HSF2: variants seen among roughly 807,000 people sequenced by gnomAD.
HSF2 encodes heat shock factor protein 2.
In HSF2, 21 loss-of-function variants were observed where a neutral mutation model predicts 65.0. That is an observed-to-expected ratio of 0.32 (90% CI 0.23 to 0.47). The LOEUF is 0.47. HSF2 is among the 20% of genes least tolerant of loss of function. The probability of loss-of-function intolerance (pLI) is 1.00; values close to 1 mark genes in which losing one functional copy is unlikely to be tolerated. For missense variants in HSF2, 499 were observed against 628.1 expected (o/e 0.79, Z 2.20); for synonymous variants, 225 against 219.1 (o/e 1.03, Z -0.24).
At chr6:122,415,578 A>G (rs1008023381) in intron 4 of HSF2, among the ~76,000 whole-genome samples, 1 of 152,164 alleles carries the variant, frequency 6.6e-6, no homozygotes, top group Non-Finnish European at 1.5e-5. Context: ...CAGTTGAAAG[A>G]TTAGCTTATT....
intron 10 of HSF2, among the ~76,000 whole-genome samples, chr6:122,426,004 A>G (rs1373418662): frequency 6.6e-6 from 1 of 152,014 alleles, no homozygotes; most frequent in Non-Finnish European, 1.5e-5. Context: ...TTTACTTAGG[A>G]GGATAGTTAT....
intron 1 of HSF2, among the ~76,000 whole-genome samples, chr6:122,403,193 AAAT>A (rs1360735015): frequency 1.3e-5 from 2 of 152,182 alleles, no homozygotes; most frequent in Admixed American, 1.3e-4. Flanking sequence ...TTGAAAAGGG[AAAT>A]AATACCTCTC....
At chr6:122,400,855 G>C (rs978690795) in intron 1 of HSF2, among the ~76,000 whole-genome samples, 16 of 152,224 alleles carry the variant, frequency 1.1e-4, no homozygotes, top group Middle Eastern at 3.2e-3. Context: ...TGTAGTTCTT[G>C]AGAAGAATAA....
rs199725766 is a variant in HSF2, at chr6:122,413,595, A to G, written c.401A>G (p.Gln134Arg). ...EDLTKIISSA[Q>R]KVQIKQETIE... ...TTAACAAAAATTATAAGTAGTGCTC[A>G]GAAGGTTCAGATAAAACAGGAAACT... is the stretch of plus-strand genomic sequence containing the variant. Residue 134 changes from glutamine to arginine, a missense_variant, in exon 4 of 13, where the codon CAG becomes CGG. Gln to Arg is a conservative substitution (Grantham distance 43, BLOSUM62 1). Coordinates refer to ENST00000368455, the MANE Select transcript of HSF2 (RefSeq NM_004506.4). 2 of 1,602,648 alleles carry G rather than the reference A, an allele frequency of 1.2e-6. No homozygotes were observed. The highest frequency in any genetic ancestry group is 1.7e-6 in the Non-Finnish European group (2 of 1,170,058).
intron 10 of HSF2, among the ~76,000 whole-genome samples, chr6:122,424,283 T>C (rs1774296670): frequency 1.3e-5 from 2 of 152,102 alleles, no homozygotes. Context: ...TTGTTCCTGC[T>C]ATTCCTCCCT....
At chr6:122,402,699 C>T (rs1049425026) in intron 1 of HSF2, among the ~76,000 whole-genome samples, 2 of 151,942 alleles carry the variant, frequency 1.3e-5, no homozygotes, top group African/African-American at 4.8e-5. Context: ...ATTACAGATG[C>T]GCACCACCAT....
At chr6:122,403,792 G>T (rs534995635) in intron 1 of HSF2, among the ~76,000 whole-genome samples, 1 of 152,070 alleles carries the variant, frequency 6.6e-6, no homozygotes, top group Non-Finnish European at 1.5e-5. Context: ...TACAGAGATT[G>T]TACTGTCAGA....
chr6:122,409,329 GAGGGC>G (rs1773937678), intron 1 of HSF2, among the ~76,000 whole-genome samples: 1 of 152,046 alleles, frequency 6.6e-6, no homozygotes, highest in Admixed American at 6.6e-5. Context: ...GGACTGAAAA[GAGGGC>G]ATTGAATTTG....
At position 122,399,701 on chromosome 6, in the gene HSF2, C is replaced by T; in HGVS notation, c.-37C>T. ...CTGCCGCCGCCGCTACCACCGCGTTCGGGTGTAGAATTTGGAATCCCTGCG... is the reference window on the plus strand; with the variant it reads ...CTGCCGCCGCCGCTACCACCGCGTTTGGGTGTAGAATTTGGAATCCCTGCG... On this transcript the variant is annotated 5_prime_UTR_variant, in exon 1 of 13. Transcript: ENST00000368455. The T allele has an allele frequency of 2.0e-6, 3 of 1,521,974 alleles. No individual in the cohort carries two copies. The highest frequency in any genetic ancestry group is 2.7e-6 in the Non-Finnish European group (3 of 1,107,486). The allele number at this position is 1,521,974 out of a possible 1,614,324, so 94.3% of individuals were successfully genotyped here.
intron 5 of HSF2, among the ~76,000 whole-genome samples, chr6:122,418,928 A>G (rs1353174575): frequency 6.6e-6 from 1 of 152,188 alleles, no homozygotes; most frequent in African/African-American, 2.4e-5. Flanking sequence ...GAAGTAAAAA[A>G]GTTGGGATCT....
chr6:122,408,311 CAT>C (rs1396081954), intron 1 of HSF2, among the ~76,000 whole-genome samples: 2 of 150,050 alleles, frequency 1.3e-5, no homozygotes, highest in South Asian at 2.1e-4. Context: ...AGCTCTTCCA[CAT>C]ATGTTTTAAA....
At chr6:122,408,057 T>C (rs1773907676) in intron 1 of HSF2, among the ~76,000 whole-genome samples, 1 of 152,112 alleles carries the variant, frequency 6.6e-6, no homozygotes, top group Non-Finnish European at 1.5e-5. Flanking sequence ...CATTACCTCC[T>C]CTGAACCTAA....
At chr6:122,416,357 C>A in intron 5 of HSF2, 61 bp downstream of exon 5, 2 of 1,064,674 alleles carry the variant, frequency 1.9e-6, no homozygotes, top group Admixed American at 1.8e-5. Context: ...CTGTTTGTGA[C>A]CCAAAAAGGT....
chr6:122,415,612 G>A (rs75533787), intron 4 of HSF2, among the ~76,000 whole-genome samples: 1 of 151,914 alleles, frequency 6.6e-6, no homozygotes, highest in Admixed American at 6.6e-5. Flanking sequence ...AAAATAATGA[G>A]CCAGATTGTC....
At chr6:122,414,140 T>C (rs867926149) in intron 4 of HSF2, among the ~76,000 whole-genome samples, 3 of 152,204 alleles carry the variant, frequency 2.0e-5, no homozygotes, top group South Asian at 2.1e-4. Context: ...TTGATACTTA[T>C]TTCGTATAGA....
At chr6:122,422,636 A>T in intron 8 of HSF2, 82 bp from the exon 9 acceptor site, 1 of 1,415,166 alleles carries the variant, frequency 7.1e-7, no homozygotes, top group Non-Finnish European at 9.9e-7. Context: ...ATGGGGAGAG[A>T]GTTTCCATTT....
In HSF2 at chr6:122,431,512, C is replaced by A; in HGVS notation, c.1313C>A (p.Pro438Gln). 6.5e-7 allele frequency: 1 copy of A among 1,545,222 alleles called. No homozygotes were observed. Among genetic ancestry groups the A allele is most frequent in the Non-Finnish European group, 8.9e-7 (1 of 1,123,122 alleles). The change falls in exon 12 of 13, where the codon CCA becomes CAA. Residue 438 changes from proline to glutamine, a missense_variant and splice_region_variant. Pro to Gln is a moderately conservative substitution (Grantham distance 76). Coordinates refer to ENST00000368455, the MANE Select transcript of HSF2 (RefSeq NM_004506.4). ...GAGGGAAGAAAATCTAAATCCAAAC[C>A]AGGTAGGTATAAATATAGTATTCAG... ...SEEGRKSKSK[P>Q]DKQLIQYTAF... is the part of the protein sequence containing the mutation.
intron 4 of HSF2, among the ~76,000 whole-genome samples, chr6:122,414,712 C>T (rs577954764): frequency 8.5e-5 from 13 of 152,198 alleles, no homozygotes; most frequent in East Asian, 1.9e-4. Flanking sequence ...CTGCAATCTC[C>T]GCCTGCCGGT....
intron 1 of HSF2, among the ~76,000 whole-genome samples, chr6:122,403,789 A>G (rs1562196659): frequency 6.6e-6 from 1 of 152,116 alleles, no homozygotes; most frequent in Non-Finnish European, 1.5e-5. Context: ...AAGTACAGAG[A>G]TTGTACTGTC....
Sources: gnomAD v4.1 joint callset for allele counts (sites outside exome capture counted in the v4.1 genomes callset) on GRCh38, gnomAD v4.1.1 for gene constraint, MANE v1.5 for transcripts, NCBI Gene and HGNC (gene_info 2026-07-23, HGNC 2026-07-21) for gene names.